TSC1: variants seen among roughly 807,000 people sequenced by gnomAD.
TSC1 encodes the protein hamartin.
Under a neutral mutation model 124.3 loss-of-function variants are expected in TSC1, and 20 were observed. The observed-to-expected ratio is 0.16, with a 90% confidence interval of 0.11 to 0.23. The LOEUF (loss-of-function observed/expected upper bound fraction) is 0.23. Ranked by LOEUF, TSC1 falls within the 10% of genes least tolerant of loss-of-function variation. The pLI is 1.00. For missense variants in TSC1, 1,124 were observed against 1,448.5 expected (o/e 0.78, Z 3.64); for synonymous variants, 493 against 539.1 (o/e 0.91, Z 1.19).
chr9:132,936,868 C>T (rs1847478672), intron 1 of TSC1, among the ~76,000 whole-genome samples: 1 of 152,234 alleles, frequency 6.6e-6, no homozygotes, highest in Non-Finnish European at 1.5e-5. Flanking sequence ...ATGGAAAAAA[C>T]TTGAACCAAG....
At chr9:132,943,078 T>C (rs1175965762) in intron 1 of TSC1, among the ~76,000 whole-genome samples, 1 of 152,248 alleles carries the variant, frequency 6.6e-6, no homozygotes, top group Non-Finnish European at 1.5e-5. Context: ...TCCTGAAATT[T>C]ACAGCTCCAC....
chr9:132,897,312 C>T lies in TSC1; in HGVS notation c.2847G>A (p.Glu949=). 1 of 1,614,218 alleles carries T rather than the reference C, an allele frequency of 6.2e-7. No homozygotes were observed. The highest frequency in any genetic ancestry group is 1.1e-5 in the South Asian group (1 of 91,088). ...GQLQAAESRY[E]AQKRITQVFE... Reference sequence around the variant, plus strand: ...ACACCTGGGTTATCCTTTTCTGAGCCTCATACCTGCTCTCTGCGGCCTGCA... The same window carrying T: ...ACACCTGGGTTATCCTTTTCTGAGCTTCATACCTGCTCTCTGCGGCCTGCA... Residue 949 remains glutamate, a synonymous_variant, in exon 22 of 23, where the codon GAG becomes GAA. Coordinates refer to ENST00000298552, the MANE Select transcript of TSC1 (RefSeq NM_000368.5).
rs141184479 is a variant in TSC1 at position 132,910,625 on chromosome 9, C to T, written c.1209G>A (p.Ser403=). ...TSPPPAPLCH[S]DDYVHISLPQ... ...GGAGTGAAATGTGCACGTAGTCATC[C>T]GAATGACAGAGTGGGGCTGGAGGAG... The change falls in exon 12 of 23, where the codon TCG becomes TCA. Residue 403 remains serine, a synonymous_variant. Transcript: ENST00000298552. 51 of 1,613,900 alleles carry T rather than the reference C, an allele frequency of 3.2e-5. No homozygotes were observed. The highest frequency in any genetic ancestry group is 3.3e-4 in the Middle Eastern group (2 of 6,084).
At chr9:132,905,183 A>AAAT (rs56398040) in intron 15 of TSC1, among the ~76,000 whole-genome samples, 23,684 of 151,982 alleles carry the variant, frequency 0.16, 1,926 homozygotes, top group African/African-American at 0.21. Context: ...CCAAAATAGA[A>AAAT]AATAATAATA....
intron 8 of TSC1, among the ~76,000 whole-genome samples, chr9:132,920,425 A>C (rs974359487): frequency 6.6e-6 from 1 of 151,866 alleles, no homozygotes; most frequent in Non-Finnish European, 1.5e-5. Context: ...CCTCTAAGGT[A>C]CCAGTAATGT....
chr9:132,899,580 A>G (rs1023119602), intron 20 of TSC1: 79 of 152,384 alleles, frequency 5.2e-4, no homozygotes, highest in African/African-American at 1.9e-3. Flanking sequence ...GAGCTCAAGC[A>G]ATCCTCCTAT....
intron 15 of TSC1, among the ~76,000 whole-genome samples, chr9:132,904,747 G>A (rs910788576): frequency 6.6e-6 from 1 of 152,180 alleles, no homozygotes; most frequent in Non-Finnish European, 1.5e-5. Context: ...TGCATACACC[G>A]TGGCCTCCGT....
intron 1 of TSC1, among the ~76,000 whole-genome samples, chr9:132,942,941 C>T (rs1265897968): frequency 6.6e-6 from 1 of 152,170 alleles, no homozygotes; most frequent in Non-Finnish European, 1.5e-5. Flanking sequence ...GGTGCATTTC[C>T]CTACACAACC....
At chr9:132,920,603 G>C (rs529316768) in intron 8 of TSC1, among the ~76,000 whole-genome samples, 104 of 152,242 alleles carry the variant, frequency 6.8e-4, no homozygotes, top group African/African-American at 2.5e-3. Flanking sequence ...GAGATTCGCT[G>C]TTGGGGGATC....
chr9:132,929,764 A>C (rs181681860), intron 2 of TSC1, among the ~76,000 whole-genome samples: 2 of 152,260 alleles, frequency 1.3e-5, no homozygotes, highest in Admixed American at 6.5e-5. Flanking sequence ...CATTGTATAT[A>C]CTCCTAATAT....
In TSC1 at chr9:132,927,160, A is replaced by G. The variant is rs771921824; in HGVS notation, c.210+41T>C. 5 of 1,594,198 alleles carry G rather than the reference A, an allele frequency of 3.1e-6. No individual in the cohort carries two copies. In the South Asian group the frequency reaches 3.4e-5, roughly 11 times the overall value. ...GCCGTGCACAGAAGCTGTTGTACTC[A>G]TGAAGAACATATGAAATGCCTATGA... On this transcript the variant is annotated intron_variant, in intron 4 of 22. Transcript: ENST00000298552.
rs587778727 is a variant in TSC1 at position 132,896,561 on chromosome 9, C to T, written c.3169G>A (p.Gly1057Ser). The change falls in exon 23 of 23, where the codon GGC becomes AGC. Residue 1057 changes from glycine to serine, a missense_variant. Physicochemically the swap from Gly to Ser is moderately conservative, Grantham distance 56. This residue lies in a region of TSC1 where 325 missense variants were observed against 383.4 expected (regional missense o/e 0.85). Coordinates refer to ENST00000298552, the MANE Select transcript of TSC1 (RefSeq NM_000368.5). The surrounding 1 kb of genome is among the most constrained non-coding windows in gnomAD (Gnocchi z 4.5). ...TPEKPPHQRA[G>S]PFSSRWETTM... is the part of the protein sequence containing the mutation. Reference sequence around the variant, plus strand: ...GTCTCCCACCGACTGCTGAATGGGCCTGCCCTCTGGTGTGGGGGTTTCTCT... The same window carrying T: ...GTCTCCCACCGACTGCTGAATGGGCTTGCCCTCTGGTGTGGGGGTTTCTCT... The T allele has an allele frequency of 1.2e-6, 2 of 1,614,086 alleles. No individual in the cohort carries two copies. The highest frequency in any genetic ancestry group is 1.7e-6 in the Non-Finnish European group (2 of 1,180,036).
At position 132,902,821 on chromosome 9, in the gene TSC1, G is replaced by A. The variant is rs1363420512; in HGVS notation, c.2209-34C>T. The A allele has an allele frequency of 3.1e-6, 5 of 1,611,082 alleles. No homozygotes were observed. In the African/African-American group the frequency reaches 5.3e-5, roughly 17 times the overall value. On this transcript the variant is annotated intron_variant, in intron 17 of 22. Transcript: ENST00000298552. The surrounding 1 kb of genome is among the most constrained non-coding windows in gnomAD (Gnocchi z 5.2). ...GACCAGAAATGTCATCATTTTAGCT[G>A]TCTTCCAACACAGGCAATTTAACAC...
chr9:132,918,632 AC>A (rs1337451785), intron 8 of TSC1, among the ~76,000 whole-genome samples: 1 of 152,096 alleles, frequency 6.6e-6, no homozygotes, highest in African/African-American at 2.4e-5. Context: ...CAGACCACCA[AC>A]CCTTCCTCAC....
chr9:132,915,014 TACAACA>T (rs200477504), intron 8 of TSC1, among the ~76,000 whole-genome samples: 2 of 151,540 alleles, frequency 1.3e-5, no homozygotes, highest in African/African-American at 4.9e-5. Flanking sequence ...ACCCCATCTC[TACAACA>T]ACAACAACAA....
chr9:132,944,649 G>C (rs918795690), upstream of TSC1: 1 of 398,768 alleles, frequency 2.5e-6, no homozygotes, highest in Non-Finnish European at 4.4e-6. Context: ...GGCCAAGGCC[G>C]ACGGCGGCCT....
At chr9:132,919,002 T>C (rs1846403177) in intron 8 of TSC1, among the ~76,000 whole-genome samples, 1 of 152,224 alleles carries the variant, frequency 6.6e-6, no homozygotes, top group Non-Finnish European at 1.5e-5. Context: ...CAGTGACATG[T>C]TCTGAGAAAT....
chr9:132,901,558 G>A (rs2131701398), intron 19 of TSC1, 31 bp downstream of exon 19: 1 of 1,563,260 alleles, frequency 6.4e-7, no homozygotes, highest in Non-Finnish European at 8.8e-7. Context: ...TGGTGTTTCA[G>A]CAGATTCAGG....
rs1394961527 is a variant in TSC1 at position 132,912,356 on chromosome 9, T to C, written c.839A>G (p.Gln280Arg). The change falls in exon 9 of 23, where the codon CAA becomes CGA. Residue 280 changes from glutamine (Q) to arginine (R), a missense_variant. Physicochemically the swap from Gln to Arg is conservative, Grantham distance 43. Transcript: ENST00000298552. The part of the protein sequence containing the change: ...SYEDGYSVSH[Q>R]ISARFPHRSA... ...ACGATGAGGAAAGCGGGCTGAGATT[T>C]GGTGAGACACAGAATAGCCATCTTC... 6.2e-7 allele frequency: 1 copy of C among 1,614,174 alleles called. No individual in the cohort carries two copies. The highest frequency in any genetic ancestry group is 1.3e-5 in the African/African-American group (1 of 75,036).
Sources: gnomAD v4.1 joint callset for allele counts (sites outside exome capture counted in the v4.1 genomes callset) on GRCh38, gnomAD v4.1.1 for gene constraint, gnomAD v4.1.1 regional missense constraint, Gnocchi (gnomAD v3.1) non-coding constraint, MANE v1.5 for transcripts, NCBI Gene and HGNC (gene_info 2026-07-23, HGNC 2026-07-21) for gene names.